SORBS2: variants seen among roughly 807,000 people sequenced by gnomAD.
The protein encoded by SORBS2 is sorbin and SH3 domain-containing protein 2.
SORBS2 carries 46 observed loss-of-function variants against 97.7 expected under a neutral mutation model. The observed-to-expected ratio is 0.47, with a 90% CI of 0.37 to 0.60. The LOEUF (loss-of-function observed/expected upper bound fraction) is 0.60. Among genes scored for constraint, SORBS2 ranks in the 20% least tolerant of loss-of-function variants. The pLI, the probability that SORBS2 is intolerant of heterozygous loss-of-function variation, is 0.00. For synonymous variants in SORBS2, 476 were observed against 473.4 expected, an observed-to-expected ratio of 1.01 and a Z score of -0.07; for missense variants, 1,316 against 1,282.3, an observed-to-expected ratio of 1.03 and a Z score of -0.40.
intron 5 of SORBS2, among the ~76,000 whole-genome samples, chr4:185,629,327 G>C (rs1219318434): frequency 6.6e-6 from 1 of 152,058 alleles, no homozygotes; most frequent in African/African-American, 2.4e-5. Context: ...TGCATAGATA[G>C]AGGCAGAAGA....
intron 2 of SORBS2, among the ~76,000 whole-genome samples, chr4:185,764,610 G>A (rs1441085938): frequency 1.3e-5 from 2 of 152,150 alleles, no homozygotes; most frequent in African/African-American, 2.4e-5. Flanking sequence ...GCTGCTTTAA[G>A]TAATGTATTT....
At chr4:185,669,158 G>A (rs2097668399) in intron 4 of SORBS2, among the ~76,000 whole-genome samples, 1 of 152,198 alleles carries the variant, frequency 6.6e-6, no homozygotes, top group South Asian at 2.1e-4. Context: ...GGGAGGGTGA[G>A]CTTCAGCAGT....
chr4:185,698,492 C>CA (rs5864952), intron 2 of SORBS2, among the ~76,000 whole-genome samples: 54,478 of 151,474 alleles, frequency 0.36, 11,628 homozygotes, highest in South Asian at 0.51. Context: ...GACTCCATCT[C>CA]AAAAAAATGA....
chr4:185,759,480 A>G (rs1301127300), intron 2 of SORBS2, among the ~76,000 whole-genome samples: 1 of 152,212 alleles, frequency 6.6e-6, no homozygotes, highest in Non-Finnish European at 1.5e-5. Flanking sequence ...ATGACAAAGG[A>G]TATTGCATAT....
intron 1 of SORBS2, among the ~76,000 whole-genome samples, chr4:185,796,315 C>T (rs1420539010): frequency 6.6e-6 from 1 of 152,244 alleles, no homozygotes; most frequent in African/African-American, 2.4e-5. Context: ...TGAAATGTCT[C>T]ACAGTTGCCC....
intron 1 of SORBS2, among the ~76,000 whole-genome samples, chr4:185,875,243 A>T (rs905447744): frequency 4.6e-5 from 7 of 152,234 alleles, no homozygotes; most frequent in African/African-American, 1.4e-4. Context: ...AACAGAGTAC[A>T]TTTTAAGTGT....
chr4:185,821,841 G>A (rs1231710965), intron 1 of SORBS2, among the ~76,000 whole-genome samples: 1 of 152,186 alleles, frequency 6.6e-6, no homozygotes, highest in Non-Finnish European at 1.5e-5. Context: ...ATGGTTTGAT[G>A]TTTTGGTCGC....
intron 2 of SORBS2, chr4:185,709,903 GAAGA>G (rs2098403103): frequency 6.6e-6 from 1 of 151,092 alleles, no homozygotes; most frequent in Admixed American, 6.6e-5. Flanking sequence ...TAGTGAGAAG[GAAGA>G]AAGAGTGGAA....
chr4:185,809,294 T>C (rs878357), intron 1 of SORBS2, among the ~76,000 whole-genome samples: 47,062 of 148,844 alleles, frequency 0.32, 7,930 homozygotes, highest in East Asian at 0.64. Flanking sequence ...AAATGCAATA[T>C]GGTTCAGCAG....
intron 2 of SORBS2, among the ~76,000 whole-genome samples, chr4:185,697,998 T>G (rs1036607819): frequency 1.3e-5 from 2 of 152,186 alleles, no homozygotes; most frequent in African/African-American, 2.4e-5. Flanking sequence ...TACTTAGACT[T>G]TAAGTAGAAG....
At chr4:185,852,458 A>G (rs2099218444) in intron 1 of SORBS2, among the ~76,000 whole-genome samples, 1 of 152,226 alleles carries the variant, frequency 6.6e-6, no homozygotes. Flanking sequence ...CCATACTCTG[A>G]CAAATACAAT....
intron 1 of SORBS2, among the ~76,000 whole-genome samples, chr4:185,935,234 A>T (rs28667901): frequency 2.0e-5 from 3 of 152,222 alleles, no homozygotes; most frequent in Admixed American, 1.3e-4. Flanking sequence ...AAGGGGTTCA[A>T]TCCCAAGTAT....
chr4:185,878,763 G>A lies in SORBS2; in HGVS notation c.-338+77433C>T, dbSNP rs570250514. ...TCTATCACTCCCCAGTGGAGAGCCC[G>A]ATTGCTGCTGCCTGCAGTTACAGCA... On this transcript the variant is annotated intron_variant, in intron 1 of 20. Coordinates refer to the SORBS2 transcript ENST00000284776. Among the ~76,000 whole-genome samples, 8 of 152,096 alleles carry A rather than the reference G, an allele frequency of 5.3e-5. No homozygotes were observed. The South Asian group carries it at 1.7e-3, about 32-fold the overall frequency.
intron 2 of SORBS2, among the ~76,000 whole-genome samples, chr4:185,709,302 A>ATATTTTTTTTTTTTTTTT: frequency 2.4e-5 from 1 of 42,194 alleles, no homozygotes; most frequent in African/African-American, 6.3e-5. Context: ...TGCTGGCCAA[A>ATATTTTTTTTTTTTTTTT]TCTTTTTTTT....
At chr4:185,906,041 AT>A (rs986526161) in intron 1 of SORBS2, among the ~76,000 whole-genome samples, 6 of 148,676 alleles carry the variant, frequency 4.0e-5, no homozygotes, top group Admixed American at 2.0e-4. Context: ...GTCCACTCCC[AT>A]TTTTTTTTTG....
intron 2 of SORBS2, among the ~76,000 whole-genome samples, chr4:185,755,018 G>GA (rs1203251838): frequency 5.3e-5 from 8 of 152,178 alleles, no homozygotes; most frequent in African/African-American, 9.6e-5. Context: ...AAACTGGCAG[G>GA]AAAAAACCCA....
intron 1 of SORBS2, among the ~76,000 whole-genome samples, chr4:185,838,902 C>T (rs2099209804): frequency 6.6e-6 from 1 of 152,156 alleles, no homozygotes; most frequent in Admixed American, 6.5e-5. Flanking sequence ...CTCACAAAGA[C>T]GTGTGCTCAG....
At chr4:185,610,458 G>A (rs535957550) in intron 12 of SORBS2, among the ~76,000 whole-genome samples, 1 of 152,168 alleles carries the variant, frequency 6.6e-6, no homozygotes, top group Admixed American at 6.5e-5. Context: ...AAATTGGATA[G>A]TACCAAACTC....
intron 1 of SORBS2, among the ~76,000 whole-genome samples, chr4:185,829,033 G>A (rs148498187): frequency 7.8e-4 from 118 of 152,240 alleles, no homozygotes; most frequent in African/African-American, 2.6e-3. Flanking sequence ...TTGGAACTGC[G>A]CTTTTTTTGA....
Sources: allele counts gnomAD v4.1 joint callset (sites outside exome capture counted in the v4.1 genomes callset), GRCh38; gene constraint gnomAD v4.1.1; transcripts MANE v1.5; gene names NCBI Gene and HGNC (gene_info 2026-07-23, HGNC 2026-07-21).